The following TLN2 variants were observed in gnomAD, a reference collection of about 807,000 sequenced individuals.
TLN2 encodes the protein talin-2.
Under a neutral mutation model 294.7 loss-of-function variants are expected in TLN2, and 118 were observed. The observed-to-expected ratio is 0.40, with a 90% CI of 0.34 to 0.47. TLN2 has a LOEUF of 0.47. Ranked by LOEUF, TLN2 falls within the 20% of genes least tolerant of loss-of-function variation. The pLI, the probability that TLN2 is intolerant of heterozygous loss-of-function variation, is 0.84. For synonymous variants in TLN2, 1,431 were observed against 1,304.5 expected, an observed-to-expected ratio of 1.10 and a Z score of -2.09; for missense variants, 3,083 against 3,282.2, an observed-to-expected ratio of 0.94 and a Z score of 1.48.
chr15:62,482,332 G>T (rs2140386798), intron 1 of TLN2, among the ~76,000 whole-genome samples: 1 of 152,172 alleles, frequency 6.6e-6, no homozygotes, highest in Admixed American at 6.5e-5. Flanking sequence ...GCCAGGCATG[G>T]TGGCTCATGC....
intron 37 of TLN2, among the ~76,000 whole-genome samples, chr15:62,759,412 G>A (rs1050499161): frequency 6.6e-6 from 1 of 151,792 alleles, no homozygotes; most frequent in Non-Finnish European, 1.5e-5. Flanking sequence ...TTTAGGGCCT[G>A]TGCTCAAAAC....
chr15:62,392,217 G>T (rs923408618), intron 1 of TLN2, among the ~76,000 whole-genome samples: 1 of 152,208 alleles, frequency 6.6e-6, no homozygotes, highest in Non-Finnish European at 1.5e-5. Flanking sequence ...TTGGATTCTT[G>T]CTGTCCTTGA....
intron 1 of TLN2, among the ~76,000 whole-genome samples, chr15:62,584,467 G>T (rs1338018281): frequency 6.6e-6 from 1 of 152,146 alleles, no homozygotes; most frequent in Non-Finnish European, 1.5e-5. Context: ...CATCTCTGAG[G>T]TCCTTGGGTG....
intron 2 of TLN2, among the ~76,000 whole-genome samples, chr15:62,611,029 C>T (rs2047871322): frequency 6.6e-6 from 1 of 152,180 alleles, no homozygotes; most frequent in Admixed American, 6.5e-5. Context: ...TGATATTTTC[C>T]CACCTGATGG....
intron 3 of TLN2, among the ~76,000 whole-genome samples, chr15:62,620,837 CTTTTTTTTTTTT>C (rs71129016): frequency 4.5e-5 from 3 of 66,418 alleles, no homozygotes; most frequent in African/African-American, 1.1e-4. Context: ...CTTTCTTTTT[CTTTTTTTTTTTT>C]TTTTTTTTTC....
At chr15:62,461,384 G>A (rs1445764788) in intron 1 of TLN2, among the ~76,000 whole-genome samples, 1 of 152,092 alleles carries the variant, frequency 6.6e-6, no homozygotes, top group South Asian at 2.1e-4. Context: ...TCATAATATG[G>A]TACTCATTCA....
chr15:62,484,254 A>G (rs913198428), intron 1 of TLN2, among the ~76,000 whole-genome samples: 5 of 152,194 alleles, frequency 3.3e-5, no homozygotes, highest in Non-Finnish European at 5.9e-5. Context: ...GTGTCTGCCA[A>G]TGACTTAGTC....
intron 3 of TLN2, among the ~76,000 whole-genome samples, chr15:62,627,712 C>T (rs923583213): frequency 2.0e-5 from 3 of 152,140 alleles, no homozygotes; most frequent in African/African-American, 7.2e-5. Flanking sequence ...ATTATTATGC[C>T]GTTACATCAT....
chr15:62,622,519 G>A (rs2140862595), intron 3 of TLN2, among the ~76,000 whole-genome samples: 1 of 152,060 alleles, frequency 6.6e-6, no homozygotes, highest in East Asian at 1.9e-4. Flanking sequence ...ATCATGAAGG[G>A]GACACAGAGA....
intron 11 of TLN2, 85 bp from the exon 12 acceptor site, chr15:62,686,556 T>G (rs1567349895): frequency 2.7e-6 from 4 of 1,491,796 alleles, no homozygotes; most frequent in East Asian, 4.9e-5. Flanking sequence ...TGTATGCAGG[T>G]GAAAGGTCAA....
At chr15:62,773,020 G>A (rs777226848) in intron 42 of TLN2, among the ~76,000 whole-genome samples, 4 of 152,036 alleles carry the variant, frequency 2.6e-5, no homozygotes, top group Admixed American at 6.6e-5. Flanking sequence ...CAGAGTTCCT[G>A]ATGGAATTTT....
At chr15:62,697,954 T>C (rs1202047976) in intron 15 of TLN2, 86 bp downstream of exon 15, 3 of 1,473,054 alleles carry the variant, frequency 2.0e-6, no homozygotes, top group Non-Finnish European at 2.7e-6. Context: ...ATGGGCTGAG[T>C]GTTGGAACGC....
intron 58 of TLN2, among the ~76,000 whole-genome samples, chr15:62,839,410 G>A (rs1176237925): frequency 2.0e-5 from 3 of 152,198 alleles, no homozygotes; most frequent in Non-Finnish European, 4.4e-5. Flanking sequence ...TAGAAAGGAA[G>A]AAGAGCAAAA....
intron 9 of TLN2, among the ~76,000 whole-genome samples, chr15:62,670,792 G>A (rs1415445573): frequency 6.6e-6 from 1 of 152,152 alleles, no homozygotes; most frequent in Non-Finnish European, 1.5e-5. Flanking sequence ...TTGTGTGGGA[G>A]TGTTCTCATT....
intron 6 of TLN2, among the ~76,000 whole-genome samples, chr15:62,652,364 G>A (rs1420742431): frequency 6.6e-6 from 1 of 152,114 alleles, no homozygotes; most frequent in Non-Finnish European, 1.5e-5. Flanking sequence ...TCCAAAACAA[G>A]AAGATTTTCA....
At chr15:62,552,256 G>C (rs1436184781) in intron 1 of TLN2, among the ~76,000 whole-genome samples, 1 of 152,146 alleles carries the variant, frequency 6.6e-6, no homozygotes, top group Non-Finnish European at 1.5e-5. Context: ...TTATTCTATT[G>C]TTAATCTGTC....
chr15:62,803,341 T>G (rs1338595685), intron 50 of TLN2, among the ~76,000 whole-genome samples: 1 of 152,250 alleles, frequency 6.6e-6, no homozygotes, highest in Non-Finnish European at 1.5e-5. Flanking sequence ...ATAACCTTCT[T>G]GTACTTGGAT....
rs560300298 is a variant in TLN2 at position 62,581,020 on chromosome 15, A to G, written c.-237-8667A>G. On this transcript the variant is annotated intron_variant, in intron 1 of 58. Transcript: ENST00000636159. ...TGCCTCAGCTTCCCAGGTAGCTGGG[A>G]TTACAGGCGCCCACCACCATGCCCG... 1.7e-3 allele frequency among the ~76,000 whole-genome samples: 262 copies of G among 151,652 alleles called. 2 individuals carry two copies. Among genetic ancestry groups the G allele is most frequent in the African/African-American group, 6.1e-3 (250 of 41,316 alleles).
chr15:62,797,055 T>C (rs2065537192), intron 47 of TLN2, among the ~76,000 whole-genome samples, 164 bp from the exon 48 acceptor site: 2 of 152,224 alleles, frequency 1.3e-5, no homozygotes, highest in Non-Finnish European at 2.9e-5. Flanking sequence ...GTTTTGCATT[T>C]GTGGAAGATG....
Sources: gnomAD v4.1 joint callset for allele counts (sites outside exome capture counted in the v4.1 genomes callset) on GRCh38, gnomAD v4.1.1 for gene constraint, MANE v1.5 for transcripts, NCBI Gene and HGNC (gene_info 2026-07-23, HGNC 2026-07-21) for gene names.